Variants in SAXO1 observed in about 807,000 individuals in gnomAD.
SAXO1 encodes 4930500O09Rik.
A neutral mutation model predicts 17.5 loss-of-function variants in SAXO1; 21 were observed. The observed-to-expected ratio is 1.20, with a 90% confidence interval of 0.85 to 1.72. SAXO1 has a LOEUF of 1.72. SAXO1 is among the 40% of genes most tolerant of loss of function. The probability of loss-of-function intolerance (pLI) is 0.00; values close to 1 mark genes in which losing one functional copy is unlikely to be tolerated. For synonymous variants in SAXO1, 274 were observed against 216.5 expected, an observed-to-expected ratio of 1.27 and a Z score of -2.33; for missense variants, 843 against 596.0, an observed-to-expected ratio of 1.41 and a Z score of -4.32.
chr9:18,940,908 C>T (rs1432304673), intron 3 of SAXO1, among the ~76,000 whole-genome samples: 3 of 152,164 alleles, frequency 2.0e-5, no homozygotes, highest in Admixed American at 2.0e-4. Flanking sequence ...AAGTTCAAAA[C>T]TGGCGAAACT....
chr9:19,018,037 A>C (rs926666516), intron 1 of SAXO1, among the ~76,000 whole-genome samples: 17 of 152,036 alleles, frequency 1.1e-4, no homozygotes, highest in African/African-American at 4.1e-4. Flanking sequence ...GTGTGGTTGT[A>C]CACACCTGTA....
At chr9:18,992,295 T>C (rs774222956) in intron 1 of SAXO1, among the ~76,000 whole-genome samples, 5 of 152,206 alleles carry the variant, frequency 3.3e-5, no homozygotes, top group Non-Finnish European at 5.9e-5. Flanking sequence ...TTCTGCTCCA[T>C]GTGTTGCTCT....
intron 3 of SAXO1, among the ~76,000 whole-genome samples, chr9:18,940,948 G>T (rs1831526452): frequency 1.3e-5 from 2 of 152,118 alleles, no homozygotes; most frequent in African/African-American, 4.8e-5. Flanking sequence ...TAAAATAATG[G>T]TTATATTCTC....
rs371565277 is a variant in SAXO1, at chr9:18,928,942, T to A, written c.535A>T (p.Ile179Leu). The change falls in exon 4 of 4, where the codon ATA becomes TTA. Residue 179 changes from isoleucine to leucine, a missense_variant. Coordinates refer to ENST00000380534, the MANE Select transcript of SAXO1 (RefSeq NM_153707.4). ...CTTATGGTCTTCACAAGGCCTTTTATGGGGTAATCGTCCTGGTGTGTGGTT... is the reference window on the plus strand; with the variant it reads ...CTTATGGTCTTCACAAGGCCTTTTAAGGGGTAATCGTCCTGGTGTGTGGTT... ...NRTTHQDDYP[I>L]KGLVKTISCK... 1.9e-6 allele frequency: 3 copies of A among 1,614,212 alleles called. No individual in the cohort carries two copies. Among genetic ancestry groups the A allele is most frequent in the East Asian group, 2.2e-5 (1 of 44,880 alleles).
intron 1 of SAXO1, among the ~76,000 whole-genome samples, chr9:18,965,611 C>G (rs994304517): frequency 1.3e-5 from 2 of 151,224 alleles, no homozygotes; most frequent in African/African-American, 4.9e-5. Context: ...ATATCTTCCT[C>G]CGTCCCTTTA....
intron 1 of SAXO1, among the ~76,000 whole-genome samples, chr9:18,989,131 A>G (rs1833705056): frequency 6.6e-6 from 1 of 152,216 alleles, no homozygotes; most frequent in African/African-American, 2.4e-5. Flanking sequence ...ATTACTTGGA[A>G]AATGGCAAAT....
At chr9:18,977,952 T>C (rs1470223845) in intron 1 of SAXO1, among the ~76,000 whole-genome samples, 3 of 133,636 alleles carry the variant, frequency 2.2e-5, no homozygotes, top group Non-Finnish European at 3.0e-5. Flanking sequence ...GCCTAGATCA[T>C]GCCACTGCAC....
At chr9:19,023,035 C>T (rs1835313369) in intron 1 of SAXO1, among the ~76,000 whole-genome samples, 1 of 152,048 alleles carries the variant, frequency 6.6e-6, no homozygotes, top group African/African-American at 2.4e-5. Context: ...GTGTAGGCAT[C>T]CCAGAAAGGG....
intron 2 of SAXO1, among the ~76,000 whole-genome samples, chr9:18,949,776 G>A (rs1831954457): frequency 6.6e-6 from 1 of 152,138 alleles, no homozygotes; most frequent in South Asian, 2.1e-4. Flanking sequence ...ACCTTTACTA[G>A]CACAAAATCA....
At chr9:18,958,788 C>T (rs1042896197) in intron 1 of SAXO1, among the ~76,000 whole-genome samples, 7 of 151,954 alleles carry the variant, frequency 4.6e-5, no homozygotes, top group Admixed American at 2.6e-4. Flanking sequence ...TTGAACATGA[C>T]GACTTGCAGA....
At chr9:19,022,216 A>G (rs1563987149) in intron 1 of SAXO1, among the ~76,000 whole-genome samples, 1 of 152,134 alleles carries the variant, frequency 6.6e-6, no homozygotes, top group African/African-American at 2.4e-5. Flanking sequence ...CTGCAGCTCC[A>G]CTCCTTAAGT....
rs760353859 is a variant in SAXO1, at chr9:18,928,603, T to C, written c.874A>G (p.Ile292Val). The change falls in exon 4 of 4, where the codon ATC becomes GTC. Residue 292 changes from isoleucine (I) to valine (V), a missense_variant. Transcript: ENST00000380534. ...CTGTCTTCGGGAGGGACGTAGGTGA[T>C]GGGAGCTTTGGAGAACATCCGGGGC... Reference protein sequence around the residue: ...PMPRMFSKAPITYVPPEDRMD... With the variant: ...PMPRMFSKAPVTYVPPEDRMD... 6.2e-7 allele frequency: 1 copy of C among 1,614,142 alleles called. No homozygotes were observed. Among genetic ancestry groups the C allele is most frequent in the Admixed American group, 1.7e-5 (1 of 60,024 alleles).
intron 1 of SAXO1, among the ~76,000 whole-genome samples, chr9:18,960,873 T>TG (rs1398424367): frequency 3.9e-5 from 6 of 152,114 alleles, no homozygotes; most frequent in Non-Finnish European, 7.4e-5. Flanking sequence ...TAATCTTTAG[T>TG]GGGAAAAAAG....
At chr9:18,954,458 T>C (rs895492671) in intron 1 of SAXO1, among the ~76,000 whole-genome samples, 4 of 151,874 alleles carry the variant, frequency 2.6e-5, no homozygotes, top group African/African-American at 9.7e-5. Context: ...CACCTCAGCC[T>C]CCCAAGTAGC....
intron 3 of SAXO1, among the ~76,000 whole-genome samples, chr9:18,937,007 G>T (rs1312294902): frequency 3.3e-5 from 5 of 152,244 alleles, no homozygotes; most frequent in Non-Finnish European, 7.3e-5. Flanking sequence ...ACTGAAACAT[G>T]TATTTAATAA....
upstream of SAXO1, among the ~76,000 whole-genome samples, chr9:19,037,600 G>A (rs1406619040): frequency 5.9e-5 from 9 of 151,974 alleles, no homozygotes; most frequent in Non-Finnish European, 1.2e-4. Flanking sequence ...TTCACCTCCC[G>A]CCATGATTCT....
At chr9:19,022,692 C>T (rs955975580) in intron 1 of SAXO1, among the ~76,000 whole-genome samples, 3 of 152,146 alleles carry the variant, frequency 2.0e-5, no homozygotes, top group Non-Finnish European at 4.4e-5. Context: ...TACATTACAA[C>T]CCCAATTTGT....
chr9:19,004,090 C>G (rs539835266), intron 1 of SAXO1, among the ~76,000 whole-genome samples: 218 of 152,200 alleles, frequency 1.4e-3, no homozygotes, highest in African/African-American at 5.0e-3. Flanking sequence ...AACAGACACT[C>G]CTCAAAAGAA....
intron 1 of SAXO1, among the ~76,000 whole-genome samples, chr9:19,017,753 T>G (rs1222666129): frequency 5.9e-5 from 9 of 152,244 alleles, no homozygotes; most frequent in Admixed American, 5.9e-4. Context: ...TATCCATGCC[T>G]ATCTCCTACA....
Sources: gnomAD v4.1 joint callset for allele counts (sites outside exome capture counted in the v4.1 genomes callset) on GRCh38, gnomAD v4.1.1 for gene constraint, MANE v1.5 for transcripts, NCBI Gene and HGNC (gene_info 2026-07-23, HGNC 2026-07-21) for gene names.